Variants in BMP2K observed in about 807,000 individuals in gnomAD.
The protein encoded by BMP2K is BMP-2-inducible protein kinase.
A neutral mutation model predicts 116.0 loss-of-function variants in BMP2K; 74 were observed. The observed-to-expected ratio is 0.64, with a 90% CI of 0.53 to 0.77. The LOEUF is 0.77. Among genes scored for constraint, BMP2K ranks in the 30% least tolerant of loss-of-function variants. The probability of loss-of-function intolerance (pLI) is 0.00; values close to 1 mark genes in which losing one functional copy is unlikely to be tolerated. For synonymous variants in BMP2K, 486 were observed against 502.5 expected, an observed-to-expected ratio of 0.97 and a Z score of 0.44; for missense variants, 1,365 against 1,403.6, an observed-to-expected ratio of 0.97 and a Z score of 0.44.
rs1420847617 is a variant in BMP2K, at chr4:78,878,753, G to T, written c.1813G>T (p.Ala605Ser). Reference protein sequence around the residue: ...SANRSVADKEAIANFTNQKNI... With the variant: ...SANRSVADKESIANFTNQKNI... ...CTATAGGTCAGTTGCTGATAAAGAG[G>T]CCATTGCAAATTTCACAAATCAGAA... The change falls in exon 14 of 16, where the codon GCC becomes TCC. Residue 605 changes from alanine to serine, a missense_variant. By Grantham distance (99) the Ala-to-Ser change is moderately conservative. Coordinates refer to ENST00000502613, the MANE Select transcript of BMP2K (RefSeq NM_198892.2). 3 of 1,611,050 alleles carry T rather than the reference G, an allele frequency of 1.9e-6. No individual in the cohort carries two copies. In the Admixed American group the frequency reaches 5.0e-5, roughly 27 times the overall value.
chr4:78,842,726 T>C (rs1331540287), intron 4 of BMP2K, among the ~76,000 whole-genome samples, 199 bp downstream of exon 4: 2 of 152,096 alleles, frequency 1.3e-5, no homozygotes, highest in African/African-American at 2.4e-5. Context: ...CTAGCATGGC[T>C]GTGGAGGCAG....
intron 2 of BMP2K, among the ~76,000 whole-genome samples, chr4:78,828,682 A>G (rs1387263379): frequency 6.6e-6 from 1 of 152,260 alleles, no homozygotes; most frequent in Non-Finnish European, 1.5e-5. Context: ...GACAAAAACC[A>G]ATATAGTATC....
intron 3 of BMP2K, among the ~76,000 whole-genome samples, chr4:78,841,661 A>G (rs1165302006): frequency 6.6e-6 from 1 of 152,098 alleles, no homozygotes; most frequent in Non-Finnish European, 1.5e-5. Context: ...TGCCAGTCTC[A>G]TCTCACCTTA....
chr4:78,863,688 A>G (rs1731903833), intron 9 of BMP2K, among the ~76,000 whole-genome samples: 1 of 152,184 alleles, frequency 6.6e-6, no homozygotes, highest in African/African-American at 2.4e-5. Context: ...GAGACTGTAC[A>G]GCAGTATCGA....
intron 14 of BMP2K, 68 bp from the exon 15 acceptor site, chr4:78,887,106 C>T (rs537900852): frequency 9.0e-7 from 1 of 1,114,366 alleles, no homozygotes; most frequent in East Asian, 2.6e-5. Flanking sequence ...ATATGTATAT[C>T]ACTTTTTAAT....
chr4:78,809,338 C>A (rs1384928260), intron 1 of BMP2K, among the ~76,000 whole-genome samples: 3 of 151,694 alleles, frequency 2.0e-5, no homozygotes, highest in African/African-American at 4.8e-5. Context: ...TCTACTTGTG[C>A]CTTTTAATCT....
chr4:78,889,781 C>T (rs917195230), intron 15 of BMP2K, among the ~76,000 whole-genome samples: 1 of 152,136 alleles, frequency 6.6e-6, no homozygotes, highest in Non-Finnish European at 1.5e-5. Context: ...ATGCGATAAG[C>T]CATCTTATTT....
chr4:78,791,549 C>A (rs983844114), intron 1 of BMP2K, among the ~76,000 whole-genome samples: 1 of 151,084 alleles, frequency 6.6e-6, no homozygotes, highest in Non-Finnish European at 1.5e-5. Context: ...ATCACTATTT[C>A]CAGAAAATTT....
chr4:78,856,595 G>A (rs1731516048), intron 7 of BMP2K, among the ~76,000 whole-genome samples: 1 of 151,930 alleles, frequency 6.6e-6, no homozygotes, highest in Admixed American at 6.6e-5. Context: ...CTACCTGTGG[G>A]TTTTAGGTAT....
intron 15 of BMP2K, among the ~76,000 whole-genome samples, chr4:78,903,496 A>G (rs1245021679): frequency 1.3e-5 from 2 of 152,000 alleles, no homozygotes; most frequent in African/African-American, 4.8e-5. Context: ...CCCAATATTT[A>G]GTGAACATTC....
At chr4:78,885,750 G>T (rs1035593193) in intron 14 of BMP2K, among the ~76,000 whole-genome samples, 1 of 152,130 alleles carries the variant, frequency 6.6e-6, no homozygotes, top group Admixed American at 6.5e-5. Flanking sequence ...TGGAAAGGAG[G>T]TAGAATGAGT....
At chr4:78,868,887 G>A (rs768366216) in intron 10 of BMP2K, among the ~76,000 whole-genome samples, 1 of 152,106 alleles carries the variant, frequency 6.6e-6, no homozygotes, top group African/African-American at 2.4e-5. Flanking sequence ...CTCTCCCGGC[G>A]GCTTTCATGG....
intron 15 of BMP2K, chr4:78,898,792 A>G (rs1194668788): frequency 6.6e-6 from 1 of 152,108 alleles, no homozygotes; most frequent in Non-Finnish European, 1.5e-5. Flanking sequence ...TAACAAAAAT[A>G]AGAAATAAAC....
intron 1 of BMP2K, among the ~76,000 whole-genome samples, chr4:78,784,376 A>G (rs1334093314): frequency 6.6e-6 from 1 of 152,184 alleles, no homozygotes; most frequent in Non-Finnish European, 1.5e-5. Context: ...TTTATCTTGC[A>G]TGCATCTGGT....
intron 1 of BMP2K, among the ~76,000 whole-genome samples, chr4:78,806,098 A>G (rs76381634): frequency 0.049 from 7,502 of 152,134 alleles, 590 homozygotes; most frequent in African/African-American, 0.17. Flanking sequence ...ATTATCTTAT[A>G]TCCTGCAACC....
intron 1 of BMP2K, among the ~76,000 whole-genome samples, chr4:78,813,722 C>G (rs951512719): frequency 7.9e-5 from 12 of 152,128 alleles, no homozygotes; most frequent in African/African-American, 2.9e-4. Flanking sequence ...CCCCATGTAC[C>G]TTGATTAAAC....
At chr4:78,835,185 A>AAG (rs1484528392) in intron 3 of BMP2K, among the ~76,000 whole-genome samples, 1 of 152,202 alleles carries the variant, frequency 6.6e-6, no homozygotes, top group Non-Finnish European at 1.5e-5. Flanking sequence ...TTTAAAGTAG[A>AAG]AGAATGATCA....
intron 10 of BMP2K, among the ~76,000 whole-genome samples, 153 bp from the exon 11 acceptor site, chr4:78,870,630 A>C (rs998713978): frequency 2.6e-5 from 4 of 152,174 alleles, no homozygotes; most frequent in African/African-American, 9.7e-5. Context: ...ATTAAAGTAA[A>C]TCCCTATAAA....
chr4:78,840,559 T>C (rs1577916354), intron 3 of BMP2K, among the ~76,000 whole-genome samples: 1 of 152,152 alleles, frequency 6.6e-6, no homozygotes, highest in African/African-American at 2.4e-5. Flanking sequence ...AAAGGTGGGG[T>C]ATCTCATTTT....
Sources: allele counts gnomAD v4.1 joint callset (sites outside exome capture counted in the v4.1 genomes callset), GRCh38; gene constraint gnomAD v4.1.1; transcripts MANE v1.5; gene names NCBI Gene and HGNC (gene_info 2026-07-23, HGNC 2026-07-21).